ADIPOR2: variants seen among roughly 807,000 people sequenced by gnomAD.
ADIPOR2 encodes the protein adiponectin receptor 2.
Under a neutral mutation model 40.9 loss-of-function variants are expected in ADIPOR2, and 18 were observed. That is an observed-to-expected ratio of 0.44 (90% CI 0.30 to 0.65). The LOEUF (loss-of-function observed/expected upper bound fraction) is 0.65. Ranked by LOEUF, ADIPOR2 falls within the 30% of genes least tolerant of loss-of-function variation. ADIPOR2 has a pLI of 0.09. For synonymous variants in ADIPOR2, 165 were observed against 166.4 expected, an observed-to-expected ratio of 0.99 and a Z score of 0.06; for missense variants, 283 against 479.2, an observed-to-expected ratio of 0.59 and a Z score of 3.82.
intron 1 of ADIPOR2, among the ~76,000 whole-genome samples, chr12:1,692,526 G>GT (rs1466660709): frequency 6.6e-6 from 1 of 152,138 alleles, no homozygotes; most frequent in Non-Finnish European, 1.5e-5. Flanking sequence ...ACTTCTGATT[G>GT]TAACTGTCTG....
chr12:1,758,007 G>T (rs374700029), intron 2 of ADIPOR2: 1 of 889,364 alleles, frequency 1.1e-6, no homozygotes, highest in Non-Finnish European at 1.9e-6. Context: ...GGGACCACGC[G>T]CCATGGCTGC....
rs2094758873 is a variant in ADIPOR2, at chr12:1,747,735, TTA to T, written c.-86-6521_-86-6520del. On this transcript the variant is annotated intron_variant, in intron 1 of 7. Coordinates refer to ENST00000357103, the MANE Select transcript of ADIPOR2 (RefSeq NM_024551.3). ...TTTTTCTTTTATTTGAACACTTTGA[TTA>T]TGTTATCTCATTGTTTTCTGTCTGC... is the stretch of plus-strand genomic sequence containing the variant. 5.9e-5 allele frequency among the ~76,000 whole-genome samples: 9 copies of T among 152,268 alleles called. No homozygotes were observed. The South Asian group carries it at 1.9e-3, about 32-fold the overall frequency.
intron 6 of ADIPOR2, among the ~76,000 whole-genome samples, chr12:1,781,682 CAGAG>C (rs1377520916): frequency 6.6e-6 from 1 of 152,144 alleles, no homozygotes; most frequent in Non-Finnish European, 1.5e-5. Context: ...ATGGAATTAG[CAGAG>C]ATGTTCTTGT....
At chr12:1,749,269 T>C (rs1031710007) in intron 1 of ADIPOR2, among the ~76,000 whole-genome samples, 2 of 152,172 alleles carry the variant, frequency 1.3e-5, no homozygotes, top group Admixed American at 1.3e-4. Context: ...TGGGTTTTTA[T>C]GGAAGCTTCA....
intron 2 of ADIPOR2, among the ~76,000 whole-genome samples, chr12:1,756,275 C>T (rs573953742): frequency 6.1e-4 from 93 of 152,112 alleles, no homozygotes; most frequent in African/African-American, 2.1e-3. Context: ...CTCAGCCTTC[C>T]GAGTAGCTGG....
chr12:1,746,116 G>T (rs1369655520), intron 1 of ADIPOR2, among the ~76,000 whole-genome samples: 1 of 152,122 alleles, frequency 6.6e-6, no homozygotes, highest in Non-Finnish European at 1.5e-5. Context: ...ACATGTATAG[G>T]TTGAAAGTGA....
At chr12:1,768,026 T>G (rs1314978962) in intron 2 of ADIPOR2, among the ~76,000 whole-genome samples, 1 of 152,210 alleles carries the variant, frequency 6.6e-6, no homozygotes, top group African/African-American at 2.4e-5. Flanking sequence ...AATAAAGTTC[T>G]GTTGATATAG....
chr12:1,704,780 C>G (rs1284563088), intron 1 of ADIPOR2, among the ~76,000 whole-genome samples: 1 of 152,120 alleles, frequency 6.6e-6, no homozygotes, highest in East Asian at 1.9e-4. Flanking sequence ...CACTTTTAGT[C>G]TAAGAAGTGT....
At chr12:1,727,813 C>T (rs1058322) in intron 1 of ADIPOR2, among the ~76,000 whole-genome samples, 45,621 of 151,210 alleles carry the variant, frequency 0.3, 7,127 homozygotes, top group Admixed American at 0.35. Flanking sequence ...GGAGCGGTCC[C>T]CTACAGGCCT....
chr12:1,785,810 G>A (rs921245430), intron 7 of ADIPOR2, 134 bp from the exon 8 acceptor site: 7 of 1,226,776 alleles, frequency 5.7e-6, no homozygotes, highest in Non-Finnish European at 6.8e-6. Flanking sequence ...TGGACGCCTT[G>A]AATTTGAGCT....
chr12:1,785,069 C>G (rs1323660239), intron 7 of ADIPOR2, among the ~76,000 whole-genome samples: 2 of 152,160 alleles, frequency 1.3e-5, no homozygotes, highest in African/African-American at 4.8e-5. Flanking sequence ...AATTAATCCC[C>G]TTTGGTTTCC....
intron 1 of ADIPOR2, among the ~76,000 whole-genome samples, chr12:1,743,971 G>A (rs2094749241): frequency 6.6e-6 from 1 of 152,182 alleles, no homozygotes; most frequent in African/African-American, 2.4e-5. Context: ...CCCAACGGAT[G>A]AGACCACTGA....
intron 1 of ADIPOR2, among the ~76,000 whole-genome samples, chr12:1,728,779 G>A (rs2094713399): frequency 6.6e-6 from 1 of 151,926 alleles, no homozygotes; most frequent in Non-Finnish European, 1.5e-5. Flanking sequence ...ATACAATACA[G>A]TATTCATAGA....
At chr12:1,785,907 G>A (rs201876183) in intron 7 of ADIPOR2, 37 bp from the exon 8 acceptor site, 57 of 1,610,642 alleles carry the variant, frequency 3.5e-5, no homozygotes, top group Middle Eastern at 3.3e-4. Context: ...TAATGTATGG[G>A]TTTCTCTACC....
At chr12:1,783,265 T>C (rs934971430) in intron 6 of ADIPOR2, among the ~76,000 whole-genome samples, 7 of 152,158 alleles carry the variant, frequency 4.6e-5, no homozygotes, top group African/African-American at 1.7e-4. Context: ...AACCTGTGTC[T>C]GTAGAAGGAC....
At chr12:1,742,155 C>G (rs1168120461) in intron 1 of ADIPOR2, among the ~76,000 whole-genome samples, 1 of 152,126 alleles carries the variant, frequency 6.6e-6, no homozygotes, top group East Asian at 1.9e-4. Flanking sequence ...TGCAGTGGTG[C>G]GATCACAGCT....
intron 2 of ADIPOR2, chr12:1,757,516 TA>T: frequency 1.3e-6 from 1 of 785,104 alleles, no homozygotes; most frequent in East Asian, 2.5e-5. Context: ...ATGAAATTGG[TA>T]ATCTTGCCAA....
intron 1 of ADIPOR2, among the ~76,000 whole-genome samples, chr12:1,695,252 G>T (rs2094636073): frequency 1.3e-5 from 2 of 151,856 alleles, no homozygotes; most frequent in Admixed American, 1.3e-4. Context: ...CTACTTGGGA[G>T]GTTGAGGTGG....
At chr12:1,780,426 C>T in intron 4 of ADIPOR2, 25 bp from the exon 5 acceptor site, 3 of 1,568,022 alleles carry the variant, frequency 1.9e-6, no homozygotes, top group Non-Finnish European at 2.6e-6. Flanking sequence ...GATATTTTAT[C>T]TATTTTCTGT....
Sources: allele counts gnomAD v4.1 joint callset (sites outside exome capture counted in the v4.1 genomes callset), GRCh38; gene constraint gnomAD v4.1.1; transcripts MANE v1.5; gene names NCBI Gene and HGNC (gene_info 2026-07-23, HGNC 2026-07-21).